The following LYST variants were observed in gnomAD, a reference collection of about 807,000 sequenced individuals.
LYST encodes lysosomal-trafficking regulator.
In LYST, 192 loss-of-function variants were observed where a neutral mutation model predicts 413.6. The ratio of observed to expected loss-of-function variants is 0.46; its 90% CI spans 0.41 to 0.52. The LOEUF (loss-of-function observed/expected upper bound fraction) is 0.52, where lower values mean the gene tolerates loss of function less well. Ranked by LOEUF, LYST falls within the 20% of genes least tolerant of loss-of-function variation. The probability of loss-of-function intolerance (pLI) is 0.00; values close to 1 mark genes in which losing one functional copy is unlikely to be tolerated. For missense variants in LYST, 3,815 were observed against 4,499.9 expected, an observed-to-expected ratio of 0.85 and a Z score of 4.35; for synonymous variants, 1,525 against 1,567.3, an observed-to-expected ratio of 0.97 and a Z score of 0.64.
chr1:235,863,992 T>A (rs190117248), intron 1 of LYST, among the ~76,000 whole-genome samples: 1 of 152,184 alleles, frequency 6.6e-6, no homozygotes, highest in Non-Finnish European at 1.5e-5. Context: ...AGGTTCCTCA[T>A]CCTCCACCAT....
At chr1:235,693,173 T>C (rs1391200187) in intron 47 of LYST, among the ~76,000 whole-genome samples, 177 bp downstream of exon 47, 5 of 151,186 alleles carry the variant, frequency 3.3e-5, no homozygotes, top group South Asian at 2.1e-4. Context: ...AAAAGTCAGC[T>C]GGGCGTGGTG....
At chr1:235,764,676 T>A (rs1010748956) in intron 21 of LYST, among the ~76,000 whole-genome samples, 3 of 151,784 alleles carry the variant, frequency 2.0e-5, no homozygotes, top group Non-Finnish European at 2.9e-5. Flanking sequence ...ATTTTTTTTT[T>A]ATTTTTAGTA....
chr1:235,689,794 C>G (rs1181412722), intron 47 of LYST, among the ~76,000 whole-genome samples: 2 of 152,002 alleles, frequency 1.3e-5, no homozygotes, highest in African/African-American at 4.8e-5. Context: ...TTTTATTTGT[C>G]AATTTTATCC....
In LYST at chr1:235,686,185, G is replaced by A. The variant is rs2103056554; in HGVS notation, c.10800+764C>T. Among the ~76,000 whole-genome samples, 1 of 151,938 alleles carries A rather than the reference G, an allele frequency of 6.6e-6. No individual in the cohort carries two copies. The highest frequency in any genetic ancestry group is 1.9e-4 in the East Asian group (1 of 5,134). On this transcript the variant is annotated intron_variant, in intron 48 of 52. Transcript: ENST00000389793. The surrounding 1 kb of genome is among the most constrained non-coding windows in gnomAD (Gnocchi z 4.0). The stretch of plus-strand genomic sequence containing the variant: ...AGTTCGAGACCAGCCTGGCCAACAT[G>A]GCAAAACCCCATCTCTACTAAAACT...
At chr1:235,868,457 C>T (rs1226041944), upstream of LYST, among the ~76,000 whole-genome samples, 1 of 152,134 alleles carries the variant, frequency 6.6e-6, no homozygotes, top group Non-Finnish European at 1.5e-5. Context: ...ACCCACTAAT[C>T]TTAAAAACAC....
chr1:235,848,098 T>G (rs1190295014), intron 1 of LYST, among the ~76,000 whole-genome samples: 1 of 152,094 alleles, frequency 6.6e-6, no homozygotes, highest in Non-Finnish European at 1.5e-5. Flanking sequence ...CAACAGCACA[T>G]GGAACTTTCT....
At chr1:235,879,560 G>A (rs1354665602) in intron 1 of LYST, among the ~76,000 whole-genome samples, 1 of 152,224 alleles carries the variant, frequency 6.6e-6, no homozygotes, top group East Asian at 1.9e-4. Context: ...CAGATACATA[G>A]TCTGTTCCTT....
Position 235,809,545 on chromosome 1 carries a change from A to T in LYST, c.1273T>A (p.Tyr425Asn), listed in dbSNP as rs189717590. 6.2e-7 allele frequency: 1 copy of T among 1,614,100 alleles called. No individual in the cohort carries two copies. The highest frequency in any genetic ancestry group is 2.2e-5 in the East Asian group (1 of 44,874). ...CLQSAASNPFYFSQAMDLVQE... is the reference protein window; with the variant it reads ...CLQSAASNPFNFSQAMDLVQE... ...ACCAAATCCATGGCTTGACTGAAGTAGAAGGGATTTGAAGCTGCACTTTGA... is the reference window on the plus strand; with the variant it reads ...ACCAAATCCATGGCTTGACTGAAGTTGAAGGGATTTGAAGCTGCACTTTGA... Residue 425 changes from tyrosine (Y) to asparagine (N), a missense_variant, in exon 5 of 53, where the codon TAC becomes AAC. By Grantham distance (143) the Tyr-to-Asn change is moderately radical. Around this residue, in one of 4 missense-constraint regions of LYST, gnomAD observed 1,648 missense variants for 1,810.3 expected, o/e 0.91. Coordinates refer to ENST00000389793, the MANE Select transcript of LYST (RefSeq NM_000081.4). The surrounding 1 kb of genome is among the most constrained non-coding windows in gnomAD (Gnocchi z 4.0).
rs1659473369 is a variant in LYST, at chr1:235,677,467, C to A, written c.10940+13G>T. ...AAAAATGCTATGTTTGATTTGGAGACCTTCTTCTGTACCTGTTTAAATCCC... is the reference window on the plus strand; with the variant it reads ...AAAAATGCTATGTTTGATTTGGAGAACTTCTTCTGTACCTGTTTAAATCCC... On this transcript the variant is annotated intron_variant, in intron 49 of 52. Coordinates refer to ENST00000389793, the MANE Select transcript of LYST (RefSeq NM_000081.4). 1 of 1,613,014 alleles carries A rather than the reference C, an allele frequency of 6.2e-7. No individual in the cohort carries two copies. Among genetic ancestry groups the A allele is most frequent in the African/African-American group, 1.3e-5 (1 of 74,872 alleles).
intron 13 of LYST, 109 bp from the exon 14 acceptor site, chr1:235,787,482 T>C: frequency 1.0e-6 from 1 of 966,078 alleles, no homozygotes; most frequent in South Asian, 1.3e-5. Flanking sequence ...AAAAATCAGT[T>C]CTATTTTTTT....
Position 235,737,915 on chromosome 1 carries a change from G to A in LYST, c.8359-3256C>T, listed in dbSNP as rs549848463. The A allele has an allele frequency of 1.3e-4, 149 of 1,160,566 alleles. No homozygotes were observed. The African/African-American group carries it at 2.1e-3, about 16-fold the overall frequency. 71.9% of individuals were successfully genotyped at this position (1,160,566 alleles called of 1,614,324 possible). On this transcript the variant is annotated intron_variant, in intron 31 of 52. Transcript: ENST00000389793. ...CGAAGGTGCTGGAGCCGCTGCCGACGAGTCTGGATCTCACTGCCGCGTGCC... is the reference window on the plus strand; with the variant it reads ...CGAAGGTGCTGGAGCCGCTGCCGACAAGTCTGGATCTCACTGCCGCGTGCC...
chr1:235,805,813 G>A lies in LYST; in HGVS notation c.3323C>T (p.Ala1108Val). 6.2e-7 allele frequency: 1 copy of A among 1,613,474 alleles called. No individual in the cohort carries two copies. Among genetic ancestry groups the A allele is most frequent in the South Asian group, 1.1e-5 (1 of 91,066 alleles). Residue 1108 changes from alanine to valine, a missense_variant, in exon 6 of 53, where the codon GCC (alanine) becomes GTC (valine). Coordinates refer to ENST00000389793, the MANE Select transcript of LYST (RefSeq NM_000081.4). ...TSLQSIRLLE[A>V]LLAICLHGAR... ...ACCATGAAGACAAATGGCCAGAAGG[G>A]CTTCCAAAAGTCGTATACTTTGAAG...
intron 31 of LYST, chr1:235,738,970 A>G: frequency 1.4e-6 from 1 of 722,872 alleles, no homozygotes; most frequent in South Asian, 1.4e-5. Context: ...TGGGGGATAC[A>G]AAAAGAGCTG....
At chr1:235,791,206 TG>T (rs1443566062) in intron 12 of LYST, among the ~76,000 whole-genome samples, 1 of 151,808 alleles carries the variant, frequency 6.6e-6, no homozygotes, top group African/African-American at 2.4e-5. Flanking sequence ...CGCTTGAACC[TG>T]GGAGGCGGAG....
At position 235,746,513 on chromosome 1, in the gene LYST, G is replaced by A. The variant is rs770775963; in HGVS notation, c.7795C>T (p.Pro2599Ser). 6.2e-6 allele frequency: 10 copies of A among 1,612,798 alleles called. 1 individual carries two copies. In the African/African-American group the frequency reaches 1.2e-4, roughly 19 times the overall value. ...AGAAGCGATTCAGTTTGAGCAAGGG[G>A]AAATTTTCGAGGACCTTTAAAAGTA... ...RKSIAGPRKF[P>S]LAQTESLLMK... The change falls in exon 29 of 53, where the codon CCC becomes TCC. Residue 2599 changes from proline to serine, a missense_variant. By Grantham distance (74) the Pro-to-Ser change is moderately conservative. This residue lies in a region of LYST where 771 missense variants were observed against 837.1 expected (regional missense o/e 0.92). Coordinates refer to ENST00000389793, the MANE Select transcript of LYST (RefSeq NM_000081.4).
intron 1 of LYST, among the ~76,000 whole-genome samples, chr1:235,875,650 A>G (rs1404134028): frequency 1.3e-5 from 2 of 152,184 alleles, no homozygotes; most frequent in Non-Finnish European, 2.9e-5. Flanking sequence ...ACTGTGCTAC[A>G]GCCTGGGCAA....
chr1:235,733,948 T>C (rs1390384945), intron 32 of LYST, 42 bp from the exon 33 acceptor site: 6 of 981,874 alleles, frequency 6.1e-6, no homozygotes, highest in East Asian at 2.7e-5. Flanking sequence ...AAATTTATTA[T>C]TTCTCACCTA....
At position 235,741,644 on chromosome 1, in the gene LYST, A is replaced by G; in HGVS notation, c.8152-16T>C. 1.3e-6 allele frequency: 2 copies of G among 1,580,792 alleles called. No homozygotes were observed. The highest frequency in any genetic ancestry group is 1.7e-6 in the Non-Finnish European group (2 of 1,150,164). On this transcript the variant is annotated splice_polypyrimidine_tract_variant and intron_variant, in intron 30 of 52. Transcript: ENST00000389793. ...TACTTGAACCCTAAAATCAATCAAG[A>G]TAGGAATGAATTAGGATCAGACTGC...
intron 40 of LYST, among the ~76,000 whole-genome samples, chr1:235,717,044 C>T (rs918291784): frequency 3.9e-5 from 6 of 152,206 alleles, no homozygotes; most frequent in African/African-American, 1.2e-4. Flanking sequence ...TACTACTATC[C>T]TTCTTTCCCT....
Sources: allele counts gnomAD v4.1 joint callset (sites outside exome capture counted in the v4.1 genomes callset), GRCh38; gene constraint gnomAD v4.1.1; regional missense constraint gnomAD v4.1.1; non-coding constraint Gnocchi (gnomAD v3.1); transcripts MANE v1.5; gene names NCBI Gene and HGNC (gene_info 2026-07-23, HGNC 2026-07-21).